Variants in SCAPER observed in about 807,000 individuals in gnomAD.
The protein encoded by SCAPER is S phase cyclin A-associated protein in the endoplasmic reticulum.
Under a neutral mutation model 182.2 loss-of-function variants are expected in SCAPER, and 98 were observed. The ratio of observed to expected loss-of-function variants is 0.54; its 90% CI spans 0.46 to 0.64. SCAPER has a LOEUF of 0.64. SCAPER is among the 30% of genes least tolerant of loss of function. SCAPER has a pLI of 0.00. For synonymous variants in SCAPER, 605 were observed against 564.6 expected, an observed-to-expected ratio of 1.07 and a Z score of -1.01; for missense variants, 1,432 against 1,690.0, an observed-to-expected ratio of 0.85 and a Z score of 2.68.
chr15:76,506,102 G>C (rs2041550156), intron 23 of SCAPER, among the ~76,000 whole-genome samples: 1 of 152,064 alleles, frequency 6.6e-6, no homozygotes, highest in African/African-American at 2.4e-5. Flanking sequence ...GACTGAGAAG[G>C]GTAGTGGGGG....
chr15:76,547,218 T>C (rs566436564), intron 23 of SCAPER, among the ~76,000 whole-genome samples: 57 of 152,292 alleles, frequency 3.7e-4, no homozygotes, highest in African/African-American at 1.3e-3. Flanking sequence ...TTTTGAACTT[T>C]CAATTTTTGC....
intron 8 of SCAPER, among the ~76,000 whole-genome samples, chr15:76,775,928 A>C (rs911379666): frequency 6.6e-6 from 1 of 152,202 alleles, no homozygotes; most frequent in African/African-American, 2.4e-5. Context: ...CCCCAATTGT[A>C]AATTTTTATT....
intron 26 of SCAPER, among the ~76,000 whole-genome samples, chr15:76,430,411 G>A (rs990106116): frequency 9.2e-5 from 14 of 152,208 alleles, no homozygotes; most frequent in African/African-American, 2.9e-4. Context: ...ATGCCAGCCC[G>A]TGAAAGCAGC....
At chr15:76,543,701 G>C (rs2044993991) in intron 23 of SCAPER, among the ~76,000 whole-genome samples, 2 of 152,090 alleles carry the variant, frequency 1.3e-5, no homozygotes, top group African/African-American at 4.8e-5. Context: ...TGCCACAGCT[G>C]CAAGATAGGT....
At chr15:76,564,174 G>C (rs1438763471) in intron 23 of SCAPER, among the ~76,000 whole-genome samples, 1 of 151,976 alleles carries the variant, frequency 6.6e-6, no homozygotes, top group Non-Finnish European at 1.5e-5. Flanking sequence ...AGGGCAATCA[G>C]GCAAGAGAAA....
At chr15:76,615,410 C>CA (rs1205195542) in intron 22 of SCAPER, among the ~76,000 whole-genome samples, 1 of 151,466 alleles carries the variant, frequency 6.6e-6, no homozygotes, top group Non-Finnish European at 1.5e-5. Context: ...CGCGCCACTG[C>CA]ACTCTAGCTT....
chr15:76,380,603 TC>T (rs2042883255), intron 28 of SCAPER: 1 of 152,220 alleles, frequency 6.6e-6, no homozygotes, highest in Non-Finnish European at 1.5e-5. Flanking sequence ...TATGGGTTCA[TC>T]ATCTGCCAAA....
intron 8 of SCAPER, among the ~76,000 whole-genome samples, chr15:76,791,675 A>G (rs1217100424): frequency 2.0e-5 from 3 of 152,074 alleles, no homozygotes; most frequent in African/African-American, 7.2e-5. Flanking sequence ...CTTTGCATAT[A>G]CAGGGCAAGA....
intron 25 of SCAPER, among the ~76,000 whole-genome samples, chr15:76,460,243 C>G (rs1043916998): frequency 6.6e-6 from 1 of 152,068 alleles, no homozygotes; most frequent in Non-Finnish European, 1.5e-5. Context: ...GTTTCTTTCT[C>G]AGAGTTTTGT....
intron 8 of SCAPER, among the ~76,000 whole-genome samples, chr15:76,783,028 G>C (rs1217317040): frequency 6.6e-6 from 1 of 152,050 alleles, no homozygotes; most frequent in Non-Finnish European, 1.5e-5. Context: ...AAATAACTAA[G>C]ATCAGAGCAG....
At chr15:76,789,050 T>C (rs28473756) in intron 8 of SCAPER, among the ~76,000 whole-genome samples, 7 of 152,200 alleles carry the variant, frequency 4.6e-5, no homozygotes, top group Non-Finnish European at 1.0e-4. Context: ...CTCTTGTAAT[T>C]GTTTAGTATG....
intron 23 of SCAPER, among the ~76,000 whole-genome samples, chr15:76,510,750 G>C (rs889589178): frequency 6.6e-6 from 1 of 152,220 alleles, no homozygotes; most frequent in African/African-American, 2.4e-5. Flanking sequence ...AAGTCATTAT[G>C]CTAAAAAGAT....
At chr15:76,867,920 G>A (rs1268296310) in intron 2 of SCAPER, among the ~76,000 whole-genome samples, 1 of 152,086 alleles carries the variant, frequency 6.6e-6, no homozygotes, top group African/African-American at 2.4e-5. Flanking sequence ...GTCCAGGTCT[G>A]GGTTTGCTTT....
At chr15:76,388,002 C>T (rs1002245827) in intron 27 of SCAPER, among the ~76,000 whole-genome samples, 3 of 152,174 alleles carry the variant, frequency 2.0e-5, no homozygotes, top group African/African-American at 7.2e-5. Context: ...GTACAATGTA[C>T]ACAACAAGGA....
chr15:76,889,857 A>T (rs1380352521), intron 1 of SCAPER, among the ~76,000 whole-genome samples: 1 of 152,214 alleles, frequency 6.6e-6, no homozygotes, highest in Non-Finnish European at 1.5e-5. Context: ...CCCCAATTCA[A>T]CAGAATATTC....
chr15:76,892,920 C>G (rs1010336704), intron 1 of SCAPER, among the ~76,000 whole-genome samples: 1 of 152,030 alleles, frequency 6.6e-6, no homozygotes, highest in African/African-American at 2.4e-5. Flanking sequence ...TGGAACCAAC[C>G]CAAATGTCCA....
Position 76,434,060 on chromosome 15 carries a change from G to A in SCAPER, c.3311+18C>T. The stretch of plus-strand genomic sequence containing the variant: ...TTCTTAACAAAGAACAAAGTTTTAA[G>A]AACTCTAGCAATTTTACCTGATAAG... On this transcript the variant is annotated intron_variant, in intron 26 of 31. Transcript: ENST00000563290. 1 of 1,590,146 alleles carries A rather than the reference G, an allele frequency of 6.3e-7. No individual in the cohort carries two copies. The highest frequency in any genetic ancestry group is 8.6e-7 in the Non-Finnish European group (1 of 1,163,984).
At chr15:76,481,431 A>G (rs2143015503) in intron 24 of SCAPER, among the ~76,000 whole-genome samples, 1 of 152,334 alleles carries the variant, frequency 6.6e-6, no homozygotes. Flanking sequence ...TCTAGGTGCT[A>G]TGCTAAGTGT....
At chr15:76,373,552 C>T (rs2141866909) in intron 29 of SCAPER, among the ~76,000 whole-genome samples, 1 of 152,254 alleles carries the variant, frequency 6.6e-6, no homozygotes, top group Non-Finnish European at 1.5e-5. Flanking sequence ...GCATCCCCAT[C>T]AGGGAGTGTT....
Sources: gnomAD v4.1 joint callset for allele counts (sites outside exome capture counted in the v4.1 genomes callset) on GRCh38, gnomAD v4.1.1 for gene constraint, MANE v1.5 for transcripts, NCBI Gene and HGNC (gene_info 2026-07-23, HGNC 2026-07-21) for gene names.